LGALS4: variants seen among roughly 807,000 people sequenced by gnomAD.
The protein encoded by LGALS4 is galectin-4.
LGALS4 carries 37 observed loss-of-function variants against 39.6 expected under a neutral mutation model. The observed-to-expected ratio is 0.93, with a 90% CI of 0.72 to 1.23. The LOEUF is 1.23. LGALS4 is among the 50% of genes most tolerant of loss of function. The pLI is 0.00. For missense variants in LGALS4, 397 were observed against 433.2 expected, an observed-to-expected ratio of 0.92 and a Z score of 0.74; for synonymous variants, 160 against 165.5, an observed-to-expected ratio of 0.97 and a Z score of 0.25.
Position 38,806,595 on chromosome 19 carries a change from C to T in LGALS4, c.340G>A (p.Val114Met), listed in dbSNP as rs1568351351. The T allele has an allele frequency of 1.9e-6, 3 of 1,613,592 alleles. No individual in the cohort carries two copies. The highest frequency in any genetic ancestry group is 2.5e-6 in the Non-Finnish European group (3 of 1,179,852). Residue 114 changes from valine to methionine, a missense_variant and splice_region_variant, in exon 4 of 10, where the codon GTG (valine) becomes ATG (methionine). By Grantham distance (21) the Val-to-Met change is conservative (BLOSUM62 1). Coordinates refer to ENST00000307751, the MANE Select transcript of LGALS4 (RefSeq NM_006149.4). Reference sequence around the variant, plus strand: ...TAGAAGGGATTTCCATTTACCACCACCTGGAGGGCAGAGATGGGAGGTCAG... The same window carrying T: ...TAGAAGGGATTTCCATTTACCACCATCTGGAGGGCAGAGATGGGAGGTCAG... ...VFIVLAEHYK[V>M]VVNGNPFYEY...
chr19:38,803,813 AG>A (rs746344798), intron 5 of LGALS4, 33 bp from the exon 6 acceptor site: 8 of 1,613,456 alleles, frequency 5.0e-6, no homozygotes, highest in Non-Finnish European at 6.8e-6. Flanking sequence ...GAAGGGTGAG[AG>A]GGGCTGAGGG....
At chr19:38,809,274 G>A (rs140514493) in intron 2 of LGALS4, among the ~76,000 whole-genome samples, 10,268 of 149,234 alleles carry the variant, frequency 0.069, 476 homozygotes, top group African/African-American at 0.14. Flanking sequence ...CCGCCTCCTG[G>A]ATTCCAGTGA....
In LGALS4 at chr19:38,801,823, G is replaced by A. The variant is rs1474726933; in HGVS notation, c.913C>T (p.Gln305Ter). Residue 305 changes from glutamine (Q) to a stop codon, truncating the protein, a stop_gained, in exon 10 of 10, where the codon CAG becomes TAG. Transcript: ENST00000307751. LOFTEE classifies it high-confidence loss of function. ...TGGATTTCCAATGTGTCCACCCTCT[G>A]GAAGGCCGAGAGGCGATGGGCAAAG... ...FDFAHRLSAF[Q>*]RVDTLEIQGD... 2 of 1,614,218 alleles carry A rather than the reference G, an allele frequency of 1.2e-6. No individual in the cohort carries two copies. The highest frequency in any genetic ancestry group is 1.1e-5 in the South Asian group (1 of 91,088).
chr19:38,812,211 C>T (rs1971501827), intron 2 of LGALS4, among the ~76,000 whole-genome samples: 1 of 152,214 alleles, frequency 6.6e-6, no homozygotes. Flanking sequence ...TAATGTCCAA[C>T]TCAGGGACTG....
At position 38,809,797 on chromosome 19, in the gene LGALS4, CCTT is replaced by C. The variant is rs1252161719; in HGVS notation, c.135-852_135-850del. ...GAGTTGCTGTACCCAGCCCACCTTG[CCTT>C]CTTAGACCACCTCCTCCACCCTCTT... On this transcript the variant is annotated intron_variant, in intron 2 of 9. Transcript: ENST00000307751. 4.0e-5 allele frequency among the ~76,000 whole-genome samples: 6 copies of C among 151,854 alleles called. No homozygotes were observed. In the East Asian group the frequency reaches 1.2e-3, roughly 29 times the overall value.
intron 6 of LGALS4, 81 bp downstream of exon 6, chr19:38,803,661 T>C: frequency 6.3e-7 from 1 of 1,596,014 alleles, no homozygotes; most frequent in Non-Finnish European, 8.6e-7. Context: ...CACCTTGGGC[T>C]GCAACCCCTC....
chr19:38,812,803 G>T, intron 1 of LGALS4, 39 bp downstream of exon 1: 2 of 1,605,096 alleles, frequency 1.2e-6, no homozygotes. Context: ...GCTTATGGAC[G>T]GAGCTGCGGG....
rs199674948 is a variant in LGALS4 at position 38,801,929 on chromosome 19, G to A, written c.826-19C>T. On this transcript the variant is annotated intron_variant, in intron 9 of 9. Transcript: ENST00000307751. ...TGGACAGCTGCAGGGAGAAGGGTGG[G>A]CATGAGGCCAGGGCCAGGACTGAGG... The A allele has an allele frequency of 1.6e-4, 254 of 1,614,084 alleles. No homozygotes were observed. In the African/African-American group the frequency reaches 2.9e-3, roughly 18 times the overall value.
rs182725185 is a variant in LGALS4 at position 38,809,029 on chromosome 19, C to T, written c.135-81G>A. On this transcript the variant is annotated intron_variant, in intron 2 of 9. Transcript: ENST00000307751. ...CTCCTCCAGGAAGCCCTCTCCCTGCCGCCCTGTCCTCGGCCTCCCTGGCCC... is the reference window on the plus strand; with the variant it reads ...CTCCTCCAGGAAGCCCTCTCCCTGCTGCCCTGTCCTCGGCCTCCCTGGCCC... The T allele has an allele frequency of 2.0e-3, 2,514 of 1,257,894 alleles. 7 individuals carry two copies. Among genetic ancestry groups the T allele is most frequent in the Middle Eastern group, 0.015 (57 of 3,758 alleles). 77.9% of individuals were successfully genotyped at this position (1,257,894 alleles called of 1,614,324 possible).
At chr19:38,803,651 C>A (rs760950552) in intron 6 of LGALS4, 91 bp downstream of exon 6, 1 of 1,592,566 alleles carries the variant, frequency 6.3e-7, no homozygotes, top group Admixed American at 1.7e-5. Flanking sequence ...TGGGTTAGTA[C>A]ACCTTGGGCT....
At chr19:38,810,224 C>T (rs1045986148) in intron 2 of LGALS4, among the ~76,000 whole-genome samples, 5 of 152,012 alleles carry the variant, frequency 3.3e-5, no homozygotes, top group Admixed American at 3.3e-4. Context: ...GATGCGATCT[C>T]AGCTCACTGC....
intron 7 of LGALS4, 127 bp downstream of exon 7, chr19:38,803,395 A>C (rs1010270522): frequency 3.3e-6 from 3 of 921,378 alleles, no homozygotes; most frequent in African/African-American, 3.3e-5. Flanking sequence ...CCTGACCACG[A>C]ACTCTATCTA....
chr19:38,809,698 G>C (rs10404489), intron 2 of LGALS4, among the ~76,000 whole-genome samples: 64,182 of 134,018 alleles, frequency 0.48, 16,210 homozygotes, highest in African/African-American at 0.68. Context: ...CTATGTTGCC[G>C]AGGCTGGTCT....
Position 38,812,864 on chromosome 19 carries a change from C to A in LGALS4, c.23G>T (p.Gly8Val). ...CACCGGGTTGTAGGTGGGCTGGTAGCCCGGTGCGGGGACATAGGCCATCGC... is the reference window on the plus strand; with the variant it reads ...CACCGGGTTGTAGGTGGGCTGGTAGACCGGTGCGGGGACATAGGCCATCGC... MAYVPAPGYQPTYNPTLP... is the reference protein window; with the variant it reads MAYVPAPVYQPTYNPTLP... The change falls in exon 1 of 10, where the codon GGC becomes GTC. Residue 8 changes from glycine to valine, a missense_variant. By Grantham distance (109) the Gly-to-Val change is moderately radical (BLOSUM62 -3). Transcript: ENST00000307751. 1 of 1,611,972 alleles carries A rather than the reference C, an allele frequency of 6.2e-7. No homozygotes were observed. The highest frequency in any genetic ancestry group is 8.5e-7 in the Non-Finnish European group (1 of 1,179,988).
intron 4 of LGALS4, 86 bp from the exon 5 acceptor site, chr19:38,803,981 C>CACTCT: frequency 7.2e-7 from 1 of 1,388,804 alleles, no homozygotes; most frequent in Non-Finnish European, 1.0e-6. Context: ...CCTGGGGTGG[C>CACTCT]CCACCACCAC....
At chr19:38,803,973 T>A in intron 4 of LGALS4, 78 bp from the exon 5 acceptor site, 3 of 1,477,070 alleles carry the variant, frequency 2.0e-6, no homozygotes, top group South Asian at 1.2e-5. Context: ...GTGCCTGCCC[T>A]GGGGTGGCCC....
At chr19:38,804,953 C>G (rs1248379807) in intron 4 of LGALS4, among the ~76,000 whole-genome samples, 1 of 151,890 alleles carries the variant, frequency 6.6e-6, no homozygotes, top group Non-Finnish European at 1.5e-5. Flanking sequence ...GTCAGGAGTT[C>G]AAGACCAGCC....
intron 1 of LGALS4, 70 bp downstream of exon 1, chr19:38,812,772 G>C: frequency 1.3e-6 from 2 of 1,536,422 alleles, no homozygotes; most frequent in Non-Finnish European, 1.8e-6. Flanking sequence ...CAGGATCAGA[G>C]TGGGGAAAAT....
At chr19:38,806,993 G>A (rs930701924) in intron 3 of LGALS4, among the ~76,000 whole-genome samples, 1 of 150,926 alleles carries the variant, frequency 6.6e-6, no homozygotes, top group East Asian at 2.0e-4. Flanking sequence ...ATTGGGAGTC[G>A]ATAGTCTTGG....
Sources: allele counts gnomAD v4.1 joint callset (sites outside exome capture counted in the v4.1 genomes callset), GRCh38; gene constraint gnomAD v4.1.1; transcripts MANE v1.5; gene names NCBI Gene and HGNC (gene_info 2026-07-23, HGNC 2026-07-21).